The following CNTN5 variants were observed in gnomAD, a reference collection of about 807,000 sequenced individuals.
CNTN5 encodes contactin-5.
A neutral mutation model predicts 129.1 loss-of-function variants in CNTN5; 77 were observed. The observed-to-expected ratio is 0.60, with a 90% CI of 0.50 to 0.72. The LOEUF (loss-of-function observed/expected upper bound fraction) is 0.72. CNTN5 is among the 30% of genes least tolerant of loss of function. The pLI, the probability that CNTN5 is intolerant of heterozygous loss-of-function variation, is 0.00. For synonymous variants in CNTN5, 509 were observed against 465.6 expected, an observed-to-expected ratio of 1.09 and a Z score of -1.20; for missense variants, 1,478 against 1,328.8, an observed-to-expected ratio of 1.11 and a Z score of -1.75.
intron 13 of CNTN5, among the ~76,000 whole-genome samples, chr11:100,147,711 A>C (rs11222976): frequency 0.042 from 5,765 of 136,214 alleles, 353 homozygotes; most frequent in African/African-American, 0.15. Context: ...CACGACACCC[A>C]CAGAGAAGAA....
intron 21 of CNTN5, 64 bp downstream of exon 21, chr11:100,308,532 G>A: frequency 6.6e-7 from 1 of 1,517,754 alleles, no homozygotes; most frequent in Non-Finnish European, 8.9e-7. Context: ...CTCCTAAAGA[G>A]AGGTTTTGGT....
intron 2 of CNTN5, among the ~76,000 whole-genome samples, chr11:99,464,912 T>C (rs1446224431): frequency 1.3e-5 from 2 of 152,248 alleles, no homozygotes; most frequent in Non-Finnish European, 2.9e-5. Context: ...GTTAGTTTAC[T>C]ATTTTATTAT....
intron 6 of CNTN5, among the ~76,000 whole-genome samples, chr11:99,868,701 T>G (rs1039400161): frequency 6.6e-6 from 1 of 152,032 alleles, no homozygotes; most frequent in Non-Finnish European, 1.5e-5. Flanking sequence ...CAGCATGGTG[T>G]GTAGTAAGGA....
intron 16 of CNTN5, among the ~76,000 whole-genome samples, chr11:100,225,755 A>G (rs1348229085): frequency 2.0e-5 from 3 of 152,060 alleles, no homozygotes; most frequent in Non-Finnish European, 4.4e-5. Flanking sequence ...GATCCCTTGT[A>G]TGGTCTGTAC....
chr11:99,381,444 C>G (rs989995219), intron 2 of CNTN5, among the ~76,000 whole-genome samples: 2 of 152,012 alleles, frequency 1.3e-5, no homozygotes, highest in Non-Finnish European at 2.9e-5. Flanking sequence ...TATTTTAATG[C>G]AATTGGCATT....
intron 13 of CNTN5, among the ~76,000 whole-genome samples, chr11:100,174,486 A>G (rs1591355637): frequency 2.6e-5 from 4 of 152,112 alleles, no homozygotes; most frequent in Admixed American, 2.6e-4. Flanking sequence ...ACATGCACAC[A>G]TGGAAGTTTC....
At chr11:100,280,864 T>C (rs147286856) in intron 18 of CNTN5, among the ~76,000 whole-genome samples, 48 of 152,230 alleles carry the variant, frequency 3.2e-4, no homozygotes, top group African/African-American at 1.2e-3. Context: ...GCTTTGAGGT[T>C]ACCACGAGGT....
At chr11:99,720,617 A>G (rs1225678792) in intron 3 of CNTN5, among the ~76,000 whole-genome samples, 4 of 151,872 alleles carry the variant, frequency 2.6e-5, no homozygotes, top group Admixed American at 2.0e-4. Context: ...CTCTCTTACC[A>G]CTCCTATTCA....
intron 11 of CNTN5, 120 bp downstream of exon 11, chr11:100,070,680 C>T (rs1943887171): frequency 1.2e-6 from 1 of 804,508 alleles, no homozygotes; most frequent in Admixed American, 2.5e-5. Flanking sequence ...TATAATAGGA[C>T]ATGTTTGTGT....
chr11:99,390,107 T>A (rs995041502), intron 2 of CNTN5, among the ~76,000 whole-genome samples: 2 of 148,912 alleles, frequency 1.3e-5, no homozygotes, highest in Non-Finnish European at 3.0e-5. Context: ...AAATTCTTGT[T>A]CTCAAATAAA....
intron 9 of CNTN5, among the ~76,000 whole-genome samples, chr11:100,048,482 CTCTAATACAG>C (rs1942800474): frequency 6.6e-6 from 1 of 151,950 alleles, no homozygotes; most frequent in Non-Finnish European, 1.5e-5. Context: ...CCCTGGAGAA[CTCTAATACAG>C]TCATTTAAAG....
chr11:100,046,685 A>G (rs1220743778), intron 9 of CNTN5, among the ~76,000 whole-genome samples: 29 of 152,190 alleles, frequency 1.9e-4, no homozygotes, highest in Admixed American at 1.9e-3. Flanking sequence ...GATTGTTACC[A>G]GATTAATTTT....
chr11:100,162,095 C>T (rs1021833082), intron 13 of CNTN5, among the ~76,000 whole-genome samples: 1 of 151,754 alleles, frequency 6.6e-6, no homozygotes, highest in Non-Finnish European at 1.5e-5. Flanking sequence ...AGGATCCAGA[C>T]TCCTTGGACT....
In CNTN5 at chr11:99,951,268, T is replaced by TAAAAA. The variant is rs35112318; in HGVS notation, c.674-5529_674-5525dup. ...CGCACAGACCAAGGGAAGAACTAGG[T>TAAAAA]AAAAAAAAAAAAACATGAAAAGTAT... On this transcript the variant is annotated intron_variant, in intron 7 of 24. Transcript: ENST00000524871. Among the ~76,000 whole-genome samples, 5 of 144,336 alleles carry TAAAAA rather than the reference T, an allele frequency of 3.5e-5. No individual in the cohort carries two copies. In the East Asian group the frequency reaches 1.0e-3, roughly 29 times the overall value. The allele number at this position is 144,336 out of a possible 152,430, so 94.7% of individuals were successfully genotyped here. A position where few individuals can be genotyped will look rare whatever the true frequency, so the allele number is the denominator to read the frequency against.
chr11:99,913,649 G>C (rs1453581), intron 6 of CNTN5, among the ~76,000 whole-genome samples: 3 of 151,770 alleles, frequency 2.0e-5, no homozygotes, highest in African/African-American at 7.3e-5. Flanking sequence ...CACAATTTAG[G>C]TCATAGTTAT....
At chr11:99,662,323 A>G (rs1480282883) in intron 3 of CNTN5, among the ~76,000 whole-genome samples, 1 of 152,194 alleles carries the variant, frequency 6.6e-6, no homozygotes, top group African/African-American at 2.4e-5. Context: ...TGCTACAATA[A>G]TCGACATCCA....
intron 4 of CNTN5, among the ~76,000 whole-genome samples, chr11:99,833,990 T>C (rs1392057800): frequency 6.6e-5 from 10 of 152,230 alleles, no homozygotes; most frequent in African/African-American, 1.9e-4. Flanking sequence ...CACAGGACTC[T>C]TAAGTGTCCT....
intron 1 of CNTN5, among the ~76,000 whole-genome samples, chr11:99,283,852 A>G (rs895875537): frequency 6.6e-6 from 1 of 152,174 alleles, no homozygotes; most frequent in African/African-American, 2.4e-5. Context: ...AGTGATTACT[A>G]AGAAATCTTA....
chr11:99,226,144 G>T (rs1392376668), intron 1 of CNTN5, among the ~76,000 whole-genome samples: 2 of 152,088 alleles, frequency 1.3e-5, no homozygotes, highest in Non-Finnish European at 2.9e-5. Flanking sequence ...TTAAAATATG[G>T]CTATATCTCT....
Sources: allele counts gnomAD v4.1 joint callset (sites outside exome capture counted in the v4.1 genomes callset), GRCh38; gene constraint gnomAD v4.1.1; transcripts MANE v1.5; gene names NCBI Gene and HGNC (gene_info 2026-07-23, HGNC 2026-07-21).